MLLT10: variants seen among roughly 807,000 people sequenced by gnomAD.
The protein encoded by MLLT10 is MLLT10 histone lysine methyltransferase DOT1L cofactor.
A neutral mutation model predicts 129.1 loss-of-function variants in MLLT10; 30 were observed. The observed-to-expected ratio is 0.23, with a 90% CI of 0.17 to 0.32. The LOEUF (loss-of-function observed/expected upper bound fraction) is 0.32, where lower values mean the gene tolerates loss of function less well. Ranked by LOEUF, MLLT10 falls within the 10% of genes least tolerant of loss-of-function variation. MLLT10 has a pLI of 1.00. For synonymous variants in MLLT10, 490 were observed against 446.4 expected (o/e 1.10, Z -1.23); for missense variants, 1,119 against 1,268.3 (o/e 0.88, Z 1.79).
intron 14 of MLLT10, among the ~76,000 whole-genome samples, chr10:21,722,070 A>G (rs1288405948): frequency 2.6e-5 from 4 of 151,948 alleles, no homozygotes; most frequent in African/African-American, 9.7e-5. Flanking sequence ...ATCCTTACAT[A>G]AAGAGGAATC....
intron 4 of MLLT10, among the ~76,000 whole-genome samples, chr10:21,587,880 T>A (rs749228484): frequency 3.8e-4 from 58 of 152,246 alleles, no homozygotes; most frequent in Admixed American, 7.2e-4. Context: ...TCAATAGTTT[T>A]CCTGCTACTA....
At chr10:21,552,580 C>CG (rs1285467914) in intron 3 of MLLT10, among the ~76,000 whole-genome samples, 3 of 151,080 alleles carry the variant, frequency 2.0e-5, no homozygotes, top group Non-Finnish European at 4.4e-5. Flanking sequence ...TTAATAGAGA[C>CG]GGGGCTTTAC....
chr10:21,717,501 T>A (rs1299712690), intron 14 of MLLT10, among the ~76,000 whole-genome samples: 7 of 78,680 alleles, frequency 8.9e-5, no homozygotes, highest in Non-Finnish European at 1.3e-4. Flanking sequence ...CTCCTCCTCC[T>A]CCTCCTCCTC....
chr10:21,638,497 G>A (rs1382867989), intron 8 of MLLT10, among the ~76,000 whole-genome samples: 7 of 151,896 alleles, frequency 4.6e-5, no homozygotes, highest in Non-Finnish European at 1.0e-4. Flanking sequence ...CCTTTCATGG[G>A]TCCAGGTGGG....
chr10:21,669,505 A>G (rs953426802), intron 9 of MLLT10, among the ~76,000 whole-genome samples: 4 of 152,172 alleles, frequency 2.6e-5, no homozygotes, highest in African/African-American at 9.7e-5. Context: ...AGATAGATAC[A>G]ATAAAAAAGT....
intron 13 of MLLT10, chr10:21,688,644 T>TAAA: frequency 1.3e-6 from 1 of 764,210 alleles, no homozygotes; most frequent in African/African-American, 1.8e-5. Context: ...TATGTACTCA[T>TAAA]AAAAAAAAAA....
intron 5 of MLLT10, among the ~76,000 whole-genome samples, chr10:21,596,289 T>C (rs2043011976): frequency 6.6e-6 from 1 of 152,308 alleles, no homozygotes; most frequent in East Asian, 1.9e-4. Flanking sequence ...ATTTTTTCTT[T>C]GCTTTTGGAA....
intron 21 of MLLT10, chr10:21,738,457 T>G: frequency 7.8e-7 from 1 of 1,289,082 alleles, no homozygotes; most frequent in Non-Finnish European, 1.0e-6. Flanking sequence ...TCAGCACAAA[T>G]TATTGCTTGG....
chr10:21,646,511 TG>T (rs869038970), intron 8 of MLLT10, among the ~76,000 whole-genome samples: 2 of 152,014 alleles, frequency 1.3e-5, no homozygotes, highest in South Asian at 2.1e-4. Context: ...TATGTTTTTT[TG>T]GGGGGGTAGA....
At chr10:21,717,855 C>CCTCCTCCTT (rs2056835912) in intron 14 of MLLT10, among the ~76,000 whole-genome samples, 3 of 125,934 alleles carry the variant, frequency 2.4e-5, no homozygotes, top group Admixed American at 7.8e-5. Context: ...TCCTCCTTCT[C>CCTCCTCCTT]CTCCTCCTTC....
At chr10:21,590,722 T>C (rs542660980) in intron 4 of MLLT10, among the ~76,000 whole-genome samples, 6 of 152,342 alleles carry the variant, frequency 3.9e-5, no homozygotes, top group East Asian at 1.9e-4. Context: ...GTTGGTGACT[T>C]GTGTTCTGGT....
At chr10:21,594,336 G>T (rs983867889) in intron 4 of MLLT10, among the ~76,000 whole-genome samples, 1 of 151,772 alleles carries the variant, frequency 6.6e-6, no homozygotes, top group Admixed American at 6.6e-5. Context: ...GATCACCTGA[G>T]GTCGGGAGTT....
intron 3 of MLLT10, among the ~76,000 whole-genome samples, chr10:21,578,665 C>A (rs770355252): frequency 1.1e-4 from 16 of 152,224 alleles, no homozygotes; most frequent in South Asian, 2.1e-4. Context: ...CAACTTAATT[C>A]TTTTGCACAT....
intron 3 of MLLT10, among the ~76,000 whole-genome samples, chr10:21,559,923 C>A (rs917150666): frequency 6.6e-6 from 1 of 151,868 alleles, no homozygotes; most frequent in South Asian, 2.1e-4. Context: ...CACTGGTATT[C>A]TAGCATCTGT....
At chr10:21,714,139 T>C (rs2056349264) in intron 14 of MLLT10, among the ~76,000 whole-genome samples, 189 bp downstream of exon 14, 1 of 152,218 alleles carries the variant, frequency 6.6e-6, no homozygotes, top group Non-Finnish European at 1.5e-5. Flanking sequence ...GATGGATGAG[T>C]GTATGGGCAC....
At chr10:21,602,570 G>A (rs924082963) in intron 5 of MLLT10, among the ~76,000 whole-genome samples, 5 of 152,138 alleles carry the variant, frequency 3.3e-5, no homozygotes, top group African/African-American at 1.2e-4. Flanking sequence ...TATCTTATGT[G>A]ACACTAGGGG....
intron 5 of MLLT10, among the ~76,000 whole-genome samples, chr10:21,610,984 C>CTTTTTTTTTTTTTTTTTTTTTTTCTT (rs71393913): frequency 2.6e-4 from 27 of 102,880 alleles, no homozygotes; most frequent in Admixed American, 4.4e-4. Context: ...TCTTTTTTCT[C>CTTTTTTTTTTTTTTTTTTTTTTTCTT]TTTTTTTTTT....
chr10:21,625,407 C>G (rs1321337895), intron 8 of MLLT10: 1 of 821,438 alleles, frequency 1.2e-6, no homozygotes. Context: ...AATATTTCGT[C>G]TGTGCCCAAG....
chr10:21,568,726 C>A (rs1490308884), intron 3 of MLLT10, among the ~76,000 whole-genome samples: 3 of 152,146 alleles, frequency 2.0e-5, no homozygotes, highest in African/African-American at 7.2e-5. Context: ...CAAACTCCGC[C>A]TCCCGGGTTC....
Sources: allele counts gnomAD v4.1 joint callset (sites outside exome capture counted in the v4.1 genomes callset), GRCh38; gene constraint gnomAD v4.1.1; transcripts MANE v1.5; gene names NCBI Gene and HGNC (gene_info 2026-07-23, HGNC 2026-07-21).